Variants in LOXHD1 observed in about 807,000 individuals in gnomAD.
LOXHD1 encodes the protein lipoxygenase homology domain-containing protein 1.
Under a neutral mutation model 248.2 loss-of-function variants are expected in LOXHD1, and 205 were observed. That is an observed-to-expected ratio of 0.83 (90% CI 0.74 to 0.93). The LOEUF is 0.93. Among genes scored for constraint, LOXHD1 ranks in the 40% least tolerant of loss-of-function variants. The pLI, the probability that LOXHD1 is intolerant of heterozygous loss-of-function variation, is 0.00. For missense variants in LOXHD1, 2,930 were observed against 2,971.6 expected (o/e 0.99, Z 0.33); for synonymous variants, 1,113 against 1,162.8 (o/e 0.96, Z 0.87).
At chr18:46,621,610 A>C (rs2038669533) in intron 4 of LOXHD1, among the ~76,000 whole-genome samples, 1 of 152,176 alleles carries the variant, frequency 6.6e-6, no homozygotes, top group Non-Finnish European at 1.5e-5. Flanking sequence ...TCTGGTCTCA[A>C]GCAGGTTTTT....
chr18:46,591,885 A>G (rs1227719199), intron 12 of LOXHD1, 48 bp downstream of exon 12: 1 of 1,545,724 alleles, frequency 6.5e-7, no homozygotes, highest in East Asian at 2.4e-5. Flanking sequence ...CGGGACACCA[A>G]GCAGGAGTTC....
intron 29 of LOXHD1, among the ~76,000 whole-genome samples, chr18:46,526,159 A>G (rs1044321757): frequency 2.0e-5 from 3 of 152,220 alleles, no homozygotes; most frequent in Admixed American, 6.5e-5. Context: ...AGATACAGCA[A>G]TTCCACTTGT....
At chr18:46,586,667 C>T (rs2038067683) in intron 12 of LOXHD1, among the ~76,000 whole-genome samples, 2 of 152,058 alleles carry the variant, frequency 1.3e-5, no homozygotes, top group South Asian at 2.1e-4. Context: ...AAGCTGGTCT[C>T]GAACTCCTGA....
chr18:46,507,046 T>C (rs1295667186), intron 36 of LOXHD1, among the ~76,000 whole-genome samples: 1 of 152,218 alleles, frequency 6.6e-6, no homozygotes, highest in Non-Finnish European at 1.5e-5. Context: ...GGACTTGACT[T>C]TGGCATTGCA....
chr18:46,531,093 AC>A (rs983019170), intron 28 of LOXHD1, among the ~76,000 whole-genome samples: 3 of 147,944 alleles, frequency 2.0e-5, no homozygotes, highest in Non-Finnish European at 4.5e-5. Context: ...CTTCTCCCCA[AC>A]CATCTTCCTT....
chr18:46,617,539 C>CAT (rs1568218830), intron 5 of LOXHD1, among the ~76,000 whole-genome samples: 2 of 145,592 alleles, frequency 1.4e-5, no homozygotes, highest in Non-Finnish European at 3.0e-5. Context: ...GGAGATTTCT[C>CAT]TTTTTTTTTT....
In LOXHD1 at chr18:46,494,847, C is replaced by CTTTTTTT. The variant is rs1256277774; in HGVS notation, c.5879-5706_5879-5705insAAAAAAA. 4.2e-4 allele frequency among the ~76,000 whole-genome samples: 48 copies of CTTTTTTT among 113,428 alleles called. 1 individual carries two copies. The highest frequency in any genetic ancestry group is 6.7e-4 in the African/African-American group (22 of 32,712). 74.4% of individuals were successfully genotyped at this position (113,428 alleles called of 152,430 possible). A position where few individuals can be genotyped will look rare whatever the true frequency, so the allele number is the denominator to read the frequency against. Reference sequence around the variant, plus strand: ...ATTTTTCTTTCTCCTTTTTCTCTCTCTCTTTTTTTTTTTTTTTTTTTTTTG... The same window carrying CTTTTTTT: ...ATTTTTCTTTCTCCTTTTTCTCTCTCTTTTTTTTCTTTTTTTTTTTTTTTTTTTTTTG... On this transcript the variant is annotated intron_variant, in intron 37 of 40. Coordinates refer to ENST00000642948, the MANE Select transcript of LOXHD1 (RefSeq NM_001384474.1).
At chr18:46,545,692 G>C (rs1209324) in intron 22 of LOXHD1, among the ~76,000 whole-genome samples, 9 of 135,820 alleles carry the variant, frequency 6.6e-5, no homozygotes, top group African/African-American at 1.7e-4. Flanking sequence ...TGCAGTGGCG[G>C]GATCTCGGCT....
Position 46,538,138 on chromosome 18 carries a change from C to T in LOXHD1, c.4095+18G>A, listed in dbSNP as rs767213320. On this transcript the variant is annotated intron_variant, in intron 26 of 40. Transcript: ENST00000642948. ...TCTGACCTACTCCATCCCTGGACAG[C>T]CTGCTGAGCCCAAGTACCTCTACGA... 1.5e-5 allele frequency: 23 copies of T among 1,522,460 alleles called. 1 individual carries two copies. The South Asian group carries it at 2.8e-4, about 18-fold the overall frequency. 94.3% of individuals were successfully genotyped at this position (1,522,460 alleles called of 1,614,324 possible).
In LOXHD1 at chr18:46,486,806, T is replaced by C. The variant is rs192147917; in HGVS notation, c.6050-1655A>G. 8.1e-4 allele frequency among the ~76,000 whole-genome samples: 123 copies of C among 152,292 alleles called. 1 individual carries two copies. The highest frequency in any genetic ancestry group is 2.8e-3 in the African/African-American group (115 of 41,554). ...ACATGGATTGAAATGAATTCTTTCC[T>C]AGTGGTCCTAAGGATAAGGTAGAGA... On this transcript the variant is annotated intron_variant, in intron 38 of 40. Coordinates refer to ENST00000642948, the MANE Select transcript of LOXHD1 (RefSeq NM_001384474.1).
intron 1 of LOXHD1, among the ~76,000 whole-genome samples, chr18:46,650,734 C>T (rs936661087): frequency 6.6e-6 from 1 of 152,184 alleles, no homozygotes; most frequent in Non-Finnish European, 1.5e-5. Flanking sequence ...ACATAAATAA[C>T]GTGGAGTGTT....
intron 26 of LOXHD1, among the ~76,000 whole-genome samples, chr18:46,534,810 T>C (rs1040815631): frequency 6.7e-6 from 1 of 149,064 alleles, no homozygotes; most frequent in Non-Finnish European, 1.5e-5. Flanking sequence ...GTTCTGGCTG[T>C]GCCATGCTCC....
At chr18:46,507,463 G>A in intron 36 of LOXHD1, 75 bp downstream of exon 36, 9 of 1,522,400 alleles carry the variant, frequency 5.9e-6, no homozygotes, top group Non-Finnish European at 8.0e-6. Context: ...GCCCTGACCA[G>A]AAACAAGGGC....
rs572720657 is a variant in LOXHD1 at position 46,511,432 on chromosome 18, C to T, written c.5400-1617G>A. On this transcript the variant is annotated intron_variant, in intron 34 of 40. Coordinates refer to ENST00000642948, the MANE Select transcript of LOXHD1 (RefSeq NM_001384474.1). ...TCTACTCAAAGGATCCTCTGCTCAG[C>T]AGCTGAGGCAGTGGTGTCTAGGAAG... is the stretch of plus-strand genomic sequence containing the variant. Among the ~76,000 whole-genome samples, 282 of 152,188 alleles carry T rather than the reference C, an allele frequency of 1.9e-3. 2 individuals carry two copies. The highest frequency in any genetic ancestry group is 3.1e-3 in the Non-Finnish European group (212 of 68,030).
At position 46,639,638 on chromosome 18, in the gene LOXHD1, G is replaced by C; in HGVS notation, c.489C>G (p.Phe163Leu). The C allele has an allele frequency of 1.9e-6, 3 of 1,551,700 alleles. No homozygotes were observed. Among genetic ancestry groups the C allele is most frequent in the Non-Finnish European group, 2.6e-6 (3 of 1,146,964 alleles). The change falls in exon 4 of 41, where the codon TTC becomes TTG. Residue 163 changes from phenylalanine to leucine, a missense_variant. Transcript: ENST00000642948. ...GACCTCTGGGCATGTCCATGGGGTTGAAGCTGGCCAGCAGGTCACGGCACC... is the reference window on the plus strand; with the variant it reads ...GACCTCTGGGCATGTCCATGGGGTTCAAGCTGGCCAGCAGGTCACGGCACC... ...RQWCRDLLAS[F>L]NPMDMPRGNK...
intron 20 of LOXHD1, 88 bp downstream of exon 20, chr18:46,559,360 G>T: frequency 6.5e-7 from 1 of 1,549,788 alleles, no homozygotes; most frequent in Non-Finnish European, 8.7e-7. Context: ...AAACACAGCA[G>T]CCATTGTGCT....
chr18:46,564,101 T>A (rs924812304), intron 17 of LOXHD1, among the ~76,000 whole-genome samples: 37 of 146,148 alleles, frequency 2.5e-4, no homozygotes, highest in African/African-American at 9.0e-4. Context: ...AGAGTGTGTG[T>A]GTGTGTGTGT....
intron 28 of LOXHD1, among the ~76,000 whole-genome samples, chr18:46,529,751 A>G (rs1237348990): frequency 6.6e-6 from 1 of 152,106 alleles, no homozygotes; most frequent in Non-Finnish European, 1.5e-5. Context: ...TCAACACGAG[A>G]TCCTTCTCAG....
chr18:46,517,508 G>A (rs756272471), intron 34 of LOXHD1, among the ~76,000 whole-genome samples: 4 of 152,124 alleles, frequency 2.6e-5, no homozygotes, highest in Non-Finnish European at 4.4e-5. Context: ...ACTTATGATA[G>A]AACAATGCTT....
Sources: gnomAD v4.1 joint callset for allele counts (sites outside exome capture counted in the v4.1 genomes callset) on GRCh38, gnomAD v4.1.1 for gene constraint, MANE v1.5 for transcripts, NCBI Gene and HGNC (gene_info 2026-07-23, HGNC 2026-07-21) for gene names.